Variants in DENND5B observed in about 807,000 individuals in gnomAD.
The protein encoded by DENND5B is DENN domain-containing protein 5B.
DENND5B carries 34 observed loss-of-function variants against 140.6 expected under a neutral mutation model. The observed-to-expected ratio is 0.24, with a 90% CI of 0.18 to 0.32. DENND5B has a LOEUF of 0.32. Among genes scored for constraint, DENND5B ranks in the 10% least tolerant of loss-of-function variants. The probability of loss-of-function intolerance (pLI) is 1.00; values close to 1 mark genes in which losing one functional copy is unlikely to be tolerated. For synonymous variants in DENND5B, 551 were observed against 562.1 expected (o/e 0.98, Z 0.28); for missense variants, 1,142 against 1,560.2 (o/e 0.73, Z 4.52).
At chr12:31,517,616 TA>T (rs1380735777) in intron 1 of DENND5B, among the ~76,000 whole-genome samples, 1 of 152,238 alleles carries the variant, frequency 6.6e-6, no homozygotes, top group Admixed American at 6.5e-5. Flanking sequence ...CGTTAGTCTG[TA>T]AAAGAATTCA....
chr12:31,551,394 AGGGC>A (rs1452589077), intron 1 of DENND5B, among the ~76,000 whole-genome samples: 2 of 152,086 alleles, frequency 1.3e-5, no homozygotes, highest in East Asian at 3.9e-4. Flanking sequence ...ATTATTTCTG[AGGGC>A]TCTGCTCTGT....
intron 1 of DENND5B, among the ~76,000 whole-genome samples, chr12:31,519,191 A>G (rs979008344): frequency 2.6e-5 from 4 of 152,210 alleles, no homozygotes; most frequent in African/African-American, 9.6e-5. Flanking sequence ...GTGATTAGCC[A>G]AAAAATGTTA....
chr12:31,581,823 A>G (rs1310340315), intron 1 of DENND5B, among the ~76,000 whole-genome samples: 1 of 151,900 alleles, frequency 6.6e-6, no homozygotes, highest in Non-Finnish European at 1.5e-5. Flanking sequence ...ATCCCTCAGT[A>G]TCTGTGTGGG....
At chr12:31,447,807 G>C in intron 5 of DENND5B, 38 bp from the exon 6 acceptor site, 1 of 1,422,982 alleles carries the variant, frequency 7.0e-7, no homozygotes, top group Non-Finnish European at 9.7e-7. Flanking sequence ...AGTGCAAAGA[G>C]ACCATCTCAA....
chr12:31,433,949 T>C (rs988344998), intron 7 of DENND5B, among the ~76,000 whole-genome samples: 1 of 152,186 alleles, frequency 6.6e-6, no homozygotes. Flanking sequence ...GTGCCACGAC[T>C]GCACTCCTGC....
chr12:31,473,478 A>G lies in DENND5B; in HGVS notation c.904+6111T>C, dbSNP rs1169111802. On this transcript the variant is annotated intron_variant, in intron 3 of 20. Coordinates refer to ENST00000389082, the MANE Select transcript of DENND5B (RefSeq NM_144973.4). ...AAGCATTATTAATTGGACATGCTAAATGGGAATGAATTAGATTGCCTGAGC... is the reference window on the plus strand; with the variant it reads ...AAGCATTATTAATTGGACATGCTAAGTGGGAATGAATTAGATTGCCTGAGC... Among the ~76,000 whole-genome samples, 5 of 152,188 alleles carry G rather than the reference A, an allele frequency of 3.3e-5. No individual in the cohort carries two copies. In the East Asian group the frequency reaches 9.6e-4, roughly 29 times the overall value.
At chr12:31,433,125 T>C (rs745579155) in intron 8 of DENND5B, 30 bp downstream of exon 8, 16 of 1,598,032 alleles carry the variant, frequency 1.0e-5, no homozygotes, top group Admixed American at 6.7e-5. Context: ...GCGCTTGCTG[T>C]GAGGCACCCC....
At chr12:31,483,017 T>C (rs561740103) in intron 2 of DENND5B, among the ~76,000 whole-genome samples, 24 of 152,350 alleles carry the variant, frequency 1.6e-4, no homozygotes, top group African/African-American at 5.5e-4. Flanking sequence ...CCAGCAACAA[T>C]GGCACGTTAC....
intron 1 of DENND5B, among the ~76,000 whole-genome samples, chr12:31,550,516 T>A (rs1949014226): frequency 1.3e-5 from 2 of 151,996 alleles, no homozygotes; most frequent in South Asian, 4.1e-4. Flanking sequence ...ATAGTGCCAC[T>A]ATAAACATAC....
rs1169172445 is a variant in DENND5B at position 31,530,115 on chromosome 12, G to A, written c.128-34196C>T. On this transcript the variant is annotated intron_variant, in intron 1 of 20. Coordinates refer to ENST00000389082, the MANE Select transcript of DENND5B (RefSeq NM_144973.4). ...CAGCCGGGCGCGGTGGCTCATGCCT[G>A]TAATCCCAGCACTTTGGGAGGCAGC... Among the ~76,000 whole-genome samples, 4 of 152,348 alleles carry A rather than the reference G, an allele frequency of 2.6e-5. No homozygotes were observed. In the East Asian group the frequency reaches 7.7e-4, roughly 29 times the overall value.
At chr12:31,437,707 G>A (rs974682622) in intron 7 of DENND5B, among the ~76,000 whole-genome samples, 4 of 151,940 alleles carry the variant, frequency 2.6e-5, no homozygotes, top group African/African-American at 4.8e-5. Context: ...CAAAACAACC[G>A]AAATGTTCAA....
intron 1 of DENND5B, among the ~76,000 whole-genome samples, chr12:31,528,474 A>G (rs1384637680): frequency 6.6e-6 from 1 of 151,780 alleles, no homozygotes; most frequent in Non-Finnish European, 1.5e-5. Flanking sequence ...GGTTCCAGGT[A>G]TTACGACCTG....
In DENND5B at chr12:31,452,274, T is replaced by C. The variant is rs748248340; in HGVS notation, c.1295A>G (p.Lys432Arg). The C allele has an allele frequency of 1.9e-6, 3 of 1,613,984 alleles. No individual in the cohort carries two copies. Among genetic ancestry groups the C allele is most frequent in the Non-Finnish European group, 2.5e-6 (3 of 1,179,896 alleles). ...NMVLKDLVND[K>R]KNGNVCTNNI... ...ATTAGTACAGACATTGCCGTTCTTTTTGTCATTGACCAAGTCTTTCAGAAC... is the reference window on the plus strand; with the variant it reads ...ATTAGTACAGACATTGCCGTTCTTTCTGTCATTGACCAAGTCTTTCAGAAC... Residue 432 changes from lysine to arginine, a missense_variant, in exon 5 of 21, where the codon AAA (lysine) becomes AGA (arginine). This residue lies in a region of DENND5B where 708 missense variants were observed against 905.5 expected (regional missense o/e 0.78). Coordinates refer to ENST00000389082, the MANE Select transcript of DENND5B (RefSeq NM_144973.4).
At chr12:31,433,113 T>C (rs186232907) in intron 8 of DENND5B, 42 bp downstream of exon 8, 52 of 1,535,848 alleles carry the variant, frequency 3.4e-5, no homozygotes, top group Non-Finnish European at 3.6e-6. Context: ...GCCTAGTTCA[T>C]GGCGCTTGCT....
At chr12:31,415,500 T>C (rs937404881) in intron 11 of DENND5B, 52 bp from the exon 12 acceptor site, 4 of 1,386,136 alleles carry the variant, frequency 2.9e-6, no homozygotes, top group Middle Eastern at 1.8e-4. Context: ...AAAATATACA[T>C]GGTTCATATT....
intron 1 of DENND5B, among the ~76,000 whole-genome samples, chr12:31,570,273 CTCTCT>C (rs1207090459): frequency 2.0e-5 from 3 of 151,326 alleles, no homozygotes; most frequent in African/African-American, 7.3e-5. Flanking sequence ...TCAAAATTCT[CTCTCT>C]TTTTTTTTTT....
rs940644720 is a variant in DENND5B, at chr12:31,462,506, C to T, written c.905-2125G>A. Among the ~76,000 whole-genome samples, 5 of 152,164 alleles carry T rather than the reference C, an allele frequency of 3.3e-5. No individual in the cohort carries two copies. In the East Asian group the frequency reaches 5.8e-4, roughly 18 times the overall value. Reference sequence around the variant, plus strand: ...ACTTGGCCCCCGTACTGTCTCTCCTCTCTGTGGGTTTCCTAAGGACAGAGT... The same window carrying T: ...ACTTGGCCCCCGTACTGTCTCTCCTTTCTGTGGGTTTCCTAAGGACAGAGT... On this transcript the variant is annotated intron_variant, in intron 3 of 20. Coordinates refer to ENST00000389082, the MANE Select transcript of DENND5B (RefSeq NM_144973.4).
rs1223481557 is a variant in DENND5B, at chr12:31,397,549, C to CAAAAAAAAAAAAAAA, written c.3256+611_3256+625dup. On this transcript the variant is annotated intron_variant, in intron 17 of 20. Transcript: ENST00000389082. ...GGTGACAGAGTGAGATTCCATCTCACAAAAAAAAAAAAAAAAAAAAAAAAG... is the reference window on the plus strand; with the variant it reads ...GGTGACAGAGTGAGATTCCATCTCACAAAAAAAAAAAAAAAAAAAAAAAAAAAAAAAAAAAAAAAG... 1.4e-4 allele frequency among the ~76,000 whole-genome samples: 7 copies of CAAAAAAAAAAAAAAA among 49,318 alleles called. 1 individual carries two copies. Among genetic ancestry groups the CAAAAAAAAAAAAAAA allele is most frequent in the Non-Finnish European group, 2.0e-4 (6 of 29,898 alleles). The allele number at this position is 49,318 out of a possible 152,430, so 32.4% of individuals were successfully genotyped here.
chr12:31,411,799 GAT>G (rs1942476132), intron 13 of DENND5B, among the ~76,000 whole-genome samples: 1 of 152,150 alleles, frequency 6.6e-6, no homozygotes, highest in Non-Finnish European at 1.5e-5. Context: ...ATCCAAGTGT[GAT>G]ATATACAAAT....
Sources: allele counts gnomAD v4.1 joint callset (sites outside exome capture counted in the v4.1 genomes callset), GRCh38; gene constraint gnomAD v4.1.1; regional missense constraint gnomAD v4.1.1; transcripts MANE v1.5; gene names NCBI Gene and HGNC (gene_info 2026-07-23, HGNC 2026-07-21).